Variants in CAMTA1 observed in about 807,000 individuals in gnomAD.
The protein encoded by CAMTA1 is calmodulin-binding transcription activator 1.
CAMTA1 carries 27 observed loss-of-function variants against 170.9 expected under a neutral mutation model. The observed-to-expected ratio is 0.16, with a 90% confidence interval of 0.12 to 0.22. CAMTA1 has a LOEUF of 0.22. CAMTA1 is among the 10% of genes least tolerant of loss of function. The pLI is 1.00. For missense variants in CAMTA1, 1,619 were observed against 2,217.2 expected, an observed-to-expected ratio of 0.73 and a Z score of 5.42; for synonymous variants, 833 against 891.5, an observed-to-expected ratio of 0.93 and a Z score of 1.17.
At chr1:7,081,726 G>A (rs1373628691) in intron 3 of CAMTA1, among the ~76,000 whole-genome samples, 1 of 152,212 alleles carries the variant, frequency 6.6e-6, no homozygotes, top group Non-Finnish European at 1.5e-5. Flanking sequence ...CCATCCAAAT[G>A]GACAGCAGCT....
At chr1:7,479,805 A>T (rs2093481748) in intron 6 of CAMTA1, among the ~76,000 whole-genome samples, 1 of 152,244 alleles carries the variant, frequency 6.6e-6, no homozygotes, top group African/African-American at 2.4e-5. Flanking sequence ...CTGCCAGAGC[A>T]GCCCCACTGG....
chr1:7,364,166 T>C (rs2085782502), intron 5 of CAMTA1, among the ~76,000 whole-genome samples: 1 of 152,202 alleles, frequency 6.6e-6, no homozygotes, highest in Admixed American at 6.5e-5. Context: ...ACAATGCTTA[T>C]CGAGTGCTGA....
chr1:7,488,821 T>C (rs1428360163), intron 6 of CAMTA1, among the ~76,000 whole-genome samples: 1 of 152,138 alleles, frequency 6.6e-6, no homozygotes, highest in Non-Finnish European at 1.5e-5. Flanking sequence ...ATATGTACCT[T>C]AACATCACAC....
chr1:7,270,285 ATATATAT>A (rs1669570400), intron 5 of CAMTA1, among the ~76,000 whole-genome samples: 1 of 115,102 alleles, frequency 8.7e-6, no homozygotes, highest in East Asian at 2.8e-4. Context: ...ATATATATAT[ATATATAT>A]TTTTTTTTTT....
At chr1:7,470,275 T>C (rs948611906) in intron 6 of CAMTA1, among the ~76,000 whole-genome samples, 2 of 152,232 alleles carry the variant, frequency 1.3e-5, no homozygotes, top group Non-Finnish European at 2.9e-5. Flanking sequence ...ATTAGCACAA[T>C]GCACGCCCTG....
intron 3 of CAMTA1, among the ~76,000 whole-genome samples, chr1:6,826,453 C>G (rs1412565664): frequency 6.6e-6 from 1 of 152,142 alleles, no homozygotes; most frequent in African/African-American, 2.4e-5. Flanking sequence ...AGTAGATATG[C>G]TTAAAATTAG....
At chr1:6,846,662 A>G (rs1658282306) in intron 3 of CAMTA1, among the ~76,000 whole-genome samples, 2 of 152,242 alleles carry the variant, frequency 1.3e-5, no homozygotes, top group African/African-American at 2.4e-5. Flanking sequence ...ATTTATAATA[A>G]TAAAGAATCA....
At chr1:7,518,178 C>T (rs2094312280) in intron 6 of CAMTA1, among the ~76,000 whole-genome samples, 1 of 151,984 alleles carries the variant, frequency 6.6e-6, no homozygotes, top group Non-Finnish European at 1.5e-5. Flanking sequence ...CAGCAACTCT[C>T]AGGCTGCTTG....
chr1:7,692,756 G>A (rs1468501453), intron 11 of CAMTA1, among the ~76,000 whole-genome samples: 3 of 152,122 alleles, frequency 2.0e-5, no homozygotes, highest in Admixed American at 2.0e-4. Context: ...TAAACTATAT[G>A]GAAGAAACAG....
intron 3 of CAMTA1, among the ~76,000 whole-genome samples, chr1:7,072,168 T>A (rs1337023331): frequency 6.6e-6 from 1 of 152,248 alleles, no homozygotes; most frequent in African/African-American, 2.4e-5. Flanking sequence ...CAATATGTCC[T>A]CAGTTTTCCA....
intron 3 of CAMTA1, among the ~76,000 whole-genome samples, chr1:6,932,550 G>A (rs891412772): frequency 6.6e-5 from 10 of 152,170 alleles, no homozygotes; most frequent in Non-Finnish European, 8.8e-5. Context: ...TGGGATGGCC[G>A]GATCATATGG....
At chr1:7,747,920 A>ATT in intron 19 of CAMTA1, 139 bp downstream of exon 19, 1 of 338,994 alleles carries the variant, frequency 2.9e-6, no homozygotes. Flanking sequence ...TTTTTTTTTT[A>ATT]TTTTTTTTTT....
intron 3 of CAMTA1, among the ~76,000 whole-genome samples, chr1:6,932,436 T>A (rs1684574299): frequency 6.6e-6 from 1 of 152,230 alleles, no homozygotes; most frequent in South Asian, 2.1e-4. Flanking sequence ...GACATTTGGG[T>A]TATTTCCACT....
At chr1:7,359,778 T>G (rs1323464777) in intron 5 of CAMTA1, among the ~76,000 whole-genome samples, 1 of 152,266 alleles carries the variant, frequency 6.6e-6, no homozygotes, top group African/African-American at 2.4e-5. Context: ...GGTGTTTGCA[T>G]GATAAGCAGG....
chr1:6,985,806 A>G (rs1269524673), intron 3 of CAMTA1, among the ~76,000 whole-genome samples: 10 of 152,208 alleles, frequency 6.6e-5, no homozygotes. Context: ...TGAAATTCTC[A>G]TAGATTATAA....
chr1:7,663,992 A>G lies in CAMTA1; in HGVS notation c.1445A>G (p.Asn482Ser). The G allele has an allele frequency of 6.2e-7, 1 of 1,613,796 alleles. No homozygotes were observed. The highest frequency in any genetic ancestry group is 8.5e-7 in the Non-Finnish European group (1 of 1,180,010). Residue 482 changes from asparagine (N) to serine (S), a missense_variant, in exon 9 of 23, where the codon AAC (asparagine) becomes AGC (serine). By Grantham distance (46) the Asn-to-Ser change is conservative. Around this residue, in one of 8 missense-constraint regions of CAMTA1, gnomAD observed 731 missense variants for 907.6 expected, o/e 0.81. Coordinates refer to ENST00000303635, the MANE Select transcript of CAMTA1 (RefSeq NM_015215.4). Reference sequence around the variant, plus strand: ...CGGAAGATTCCAGAAACCACCATGAACTTTGACCCCGACTGTTTCCTTAAT... The same window carrying G: ...CGGAAGATTCCAGAAACCACCATGAGCTTTGACCCCGACTGTTTCCTTAAT... The part of the protein sequence containing the change: ...GGRKIPETTM[N>S]FDPDCFLNNP...
At chr1:6,786,100 C>T (rs1639217369) in intron 1 of CAMTA1, among the ~76,000 whole-genome samples, 1 of 151,908 alleles carries the variant, frequency 6.6e-6, no homozygotes. Context: ...TGCTCTCCGG[C>T]GGGCAGGGCC....
intron 3 of CAMTA1, among the ~76,000 whole-genome samples, chr1:6,891,544 T>C (rs1029629497): frequency 2.0e-5 from 3 of 152,212 alleles, no homozygotes; most frequent in Non-Finnish European, 4.4e-5. Context: ...TAATGAGTTG[T>C]GCAGCCTAAG....
intron 5 of CAMTA1, among the ~76,000 whole-genome samples, chr1:7,371,901 A>C (rs1011396558): frequency 6.6e-6 from 1 of 152,178 alleles, no homozygotes; most frequent in Non-Finnish European, 1.5e-5. Context: ...GCATCTGATG[A>C]CATCTGAGAT....
Sources: allele counts gnomAD v4.1 joint callset (sites outside exome capture counted in the v4.1 genomes callset), GRCh38; gene constraint gnomAD v4.1.1; regional missense constraint gnomAD v4.1.1; transcripts MANE v1.5; gene names NCBI Gene and HGNC (gene_info 2026-07-23, HGNC 2026-07-21).